The following HJURP variants were observed in gnomAD, a reference collection of about 807,000 sequenced individuals.
HJURP encodes the protein 14-3-3-associated AKT substrate.
Under a neutral mutation model 72.0 loss-of-function variants are expected in HJURP, and 49 were observed. That is an observed-to-expected ratio of 0.68 (90% CI 0.54 to 0.86). HJURP has a LOEUF of 0.86. Among genes scored for constraint, HJURP ranks in the 40% least tolerant of loss-of-function variants. The pLI, the probability that HJURP is intolerant of heterozygous loss-of-function variation, is 0.00. For synonymous variants in HJURP, 357 were observed against 347.1 expected, an observed-to-expected ratio of 1.03 and a Z score of -0.32; for missense variants, 908 against 936.3, an observed-to-expected ratio of 0.97 and a Z score of 0.39.
In HJURP at chr2:233,845,867, G is replaced by C; in HGVS notation, c.403-47C>G. 3 of 1,255,688 alleles carry C rather than the reference G, an allele frequency of 2.4e-6. No individual in the cohort carries two copies. The Admixed American group carries it at 5.5e-5, about 23-fold the overall frequency. The allele number at this position is 1,255,688 out of a possible 1,614,324, so 77.8% of individuals were successfully genotyped here. A position where few individuals can be genotyped will look rare whatever the true frequency, so the allele number is the denominator to read the frequency against. On this transcript the variant is annotated intron_variant, in intron 5 of 8. Coordinates refer to ENST00000411486, the MANE Select transcript of HJURP (RefSeq NM_018410.5). ...GAATTTTTAAGAGCTTCTGAGTATA[G>C]CTGACCTTTTGGCTTCTGGAACAAA...
At chr2:233,850,394 C>T (rs919232081) in intron 3 of HJURP, among the ~76,000 whole-genome samples, 2 of 152,172 alleles carry the variant, frequency 1.3e-5, no homozygotes, top group African/African-American at 2.4e-5. Flanking sequence ...GGTGGTCGGG[C>T]GGCCACACTC....
chr2:233,847,201 C>T (rs1025682247), intron 5 of HJURP, among the ~76,000 whole-genome samples, 196 bp downstream of exon 5: 3 of 152,168 alleles, frequency 2.0e-5, no homozygotes, highest in Non-Finnish European at 4.4e-5. Context: ...AGGTGCTAGA[C>T]TGAGAGGAGG....
At position 233,841,259 on chromosome 2, in the gene HJURP, T is replaced by C. The variant is rs899069593; in HGVS notation, c.1521A>G (p.Arg507=). Residue 507 remains arginine, a synonymous_variant, in exon 8 of 9, where the codon AGA becomes AGG. Transcript: ENST00000411486. ...GCAGGCACCTACCTGCTTCCAGAGA[T>C]CTTTTGCCTAGGTTTTCAAAAGCCT... The part of the protein sequence containing the change: ...LSEAFENLGK[R]SLEAGRCLPK... 2 of 1,613,964 alleles carry C rather than the reference T, an allele frequency of 1.2e-6. No homozygotes were observed. Among genetic ancestry groups the C allele is most frequent in the Admixed American group, 1.7e-5 (1 of 60,008 alleles).
chr2:233,837,317 T>A lies in HJURP; in HGVS notation c.*260A>T, dbSNP rs865971862. ...ACAAACAAACAAACAAACAAACAAA[T>A]AACCCCCCCCCAAAAAAAACACACA... On this transcript the variant is annotated 3_prime_UTR_variant, in exon 9 of 9. Transcript: ENST00000411486. The A allele has an allele frequency of 3.7e-6, 1 of 272,136 alleles. No homozygotes were observed. The highest frequency in any genetic ancestry group is 6.5e-6 in the Non-Finnish European group (1 of 154,182). The allele number at this position is 272,136 out of a possible 1,614,324, so 16.9% of individuals were successfully genotyped here.
chr2:233,842,167 G>C lies in HJURP; in HGVS notation c.613C>G (p.Pro205Ala). 1 of 1,613,652 alleles carries C rather than the reference G, an allele frequency of 6.2e-7. No individual in the cohort carries two copies. The highest frequency in any genetic ancestry group is 8.5e-7 in the Non-Finnish European group (1 of 1,179,732). ...SRISRKSPGD[P>A]AKPASSPREW... The stretch of plus-strand genomic sequence containing the variant: ...CTGGGAGATGAAGCTGGTTTCGCTG[G>C]GTCACCAGGACTCTTTCTGGAGATA... The change falls in exon 8 of 9, where the codon CCA becomes GCA. Residue 205 changes from proline to alanine, a missense_variant. Coordinates refer to ENST00000411486, the MANE Select transcript of HJURP (RefSeq NM_018410.5).
chr2:233,840,830 TAG>T lies in HJURP; in HGVS notation c.1948_1949del (p.Leu650ThrfsTer7). 6.2e-7 allele frequency: 1 copy of T among 1,613,884 alleles called. No homozygotes were observed. Among genetic ancestry groups the T allele is most frequent in the South Asian group, 1.1e-5 (1 of 91,058 alleles). On this transcript the variant is annotated frameshift_variant, in exon 8 of 9. Transcript: ENST00000411486. LOFTEE classifies it high-confidence loss of function. ...PSSPLGCRKS[L>X]LGSTAIEAPS... is the part of the protein sequence containing the mutation. ...GAGCCTCAATTGCAGTTGAGCCCAG[TAG>T]ACTTTTTCTGCACCCCAGGGGTGAT...
intron 8 of HJURP, among the ~76,000 whole-genome samples, chr2:233,839,723 T>A (rs113725269): frequency 1.3e-5 from 2 of 152,070 alleles, no homozygotes; most frequent in Admixed American, 1.3e-4. Flanking sequence ...GGGACACTTA[T>A]GGCAGGCAGG....
intron 4 of HJURP, 114 bp from the exon 5 acceptor site, chr2:233,847,575 C>T: frequency 1.1e-6 from 1 of 875,470 alleles, no homozygotes; most frequent in Non-Finnish European, 1.9e-6. Context: ...ATCCCCATTG[C>T]TTCAAGGGTG....
intron 2 of HJURP, among the ~76,000 whole-genome samples, chr2:233,853,505 C>T (rs1216212988): frequency 6.6e-6 from 1 of 152,190 alleles, no homozygotes; most frequent in Non-Finnish European, 1.5e-5. Context: ...ACAACACCCA[C>T]GCCCAGGAGA....
chr2:233,849,497 A>G (rs1197828178), intron 4 of HJURP, among the ~76,000 whole-genome samples: 1 of 152,114 alleles, frequency 6.6e-6, no homozygotes, highest in Non-Finnish European at 1.5e-5. Flanking sequence ...CTAAATCTGG[A>G]TATTAACTTT....
intron 7 of HJURP, among the ~76,000 whole-genome samples, chr2:233,843,348 G>A (rs1389498872): frequency 6.6e-6 from 1 of 152,090 alleles, no homozygotes; most frequent in Non-Finnish European, 1.5e-5. Flanking sequence ...GGGAAAAAGG[G>A]CCTGTCGCAA....
chr2:233,849,487 C>A (rs555602354), intron 4 of HJURP, among the ~76,000 whole-genome samples: 1 of 152,190 alleles, frequency 6.6e-6, no homozygotes, highest in South Asian at 2.1e-4. Context: ...TTAAGTCTTA[C>A]TAAATCTGGA....
rs749028441 is a variant in HJURP at position 233,849,839 on chromosome 2, C to T, written c.261G>A (p.Ala87=). The change falls in exon 4 of 9, where the codon GCG becomes GCA. Residue 87 remains alanine, a synonymous_variant. Transcript: ENST00000411486. The part of the protein sequence containing the change: ...GEIQDSSMKP[A]DRTDGSVQAA... ...CTTGCACGGAGCCATCTGTCCTGTC[C>T]GCGGGCTTCATGGAGGAGTCCTCCA... 142 of 1,552,332 alleles carry T rather than the reference C, an allele frequency of 9.1e-5. No homozygotes were observed. In the South Asian group the frequency reaches 1.0e-3, roughly 11 times the overall value.
In HJURP at chr2:233,840,700, G is replaced by C. The variant is rs779228822; in HGVS notation, c.2080C>G (p.Gln694Glu). 1 of 1,614,106 alleles carries C rather than the reference G, an allele frequency of 6.2e-7. No individual in the cohort carries two copies. The highest frequency in any genetic ancestry group is 1.1e-5 in the South Asian group (1 of 91,072). ...TCTGAGGCACCCAGGGAATTGCCCT[G>C]GCGTCCGGAGCCCTGGGGTTCTGAT... ...RLSEPQGSGR[Q>E]GNSLGASDGV... The change falls in exon 8 of 9, where the codon CAG (glutamine) becomes GAG (glutamate). Residue 694 changes from glutamine to glutamate, a missense_variant. By Grantham distance (29) the Gln-to-Glu change is conservative. This residue lies in a region of HJURP where 598 missense variants were observed against 619.5 expected (regional missense o/e 0.97). Transcript: ENST00000411486.
chr2:233,850,587 G>A (rs917434), intron 3 of HJURP, among the ~76,000 whole-genome samples: 61,109 of 152,162 alleles, frequency 0.4, 14,300 homozygotes, highest in Middle Eastern at 0.53. Flanking sequence ...AGAAGGTGGC[G>A]AGGCCTATAC....
At position 233,849,022 on chromosome 2, in the gene HJURP, A is replaced by G. The variant is rs1040133375; in HGVS notation, c.337+741T>C. 2.0e-5 allele frequency among the ~76,000 whole-genome samples: 3 copies of G among 152,298 alleles called. No homozygotes were observed. The South Asian group carries it at 6.2e-4, about 32-fold the overall frequency. On this transcript the variant is annotated intron_variant, in intron 4 of 8. Coordinates refer to ENST00000411486, the MANE Select transcript of HJURP (RefSeq NM_018410.5). ...AAAACCCAAAGAATAAAACCCAAAG[A>G]ATGCTAACAGGATTTAGCAATGGGG...
At chr2:233,844,170 A>G (rs570808428) in intron 7 of HJURP, 35 bp downstream of exon 7, 1 of 1,581,724 alleles carries the variant, frequency 6.3e-7, no homozygotes, top group Non-Finnish European at 8.7e-7. Context: ...TGAAGGAAAC[A>G]CGCACTGTTC....
At chr2:233,838,991 GCCCACACAGTGCC>G (rs1705151692) in intron 8 of HJURP, among the ~76,000 whole-genome samples, 1 of 152,208 alleles carries the variant, frequency 6.6e-6, no homozygotes, top group East Asian at 1.9e-4. Context: ...CGAGGGCCCT[GCCCACACAGTGCC>G]CCTGACCCTA....
intron 6 of HJURP, among the ~76,000 whole-genome samples, chr2:233,845,501 C>T (rs572716970): frequency 1.3e-5 from 2 of 152,262 alleles, no homozygotes; most frequent in South Asian, 4.1e-4. Context: ...GGCAGAGCAC[C>T]CCTGCCAGGG....
Sources: allele counts gnomAD v4.1 joint callset (sites outside exome capture counted in the v4.1 genomes callset), GRCh38; gene constraint gnomAD v4.1.1; regional missense constraint gnomAD v4.1.1; transcripts MANE v1.5; gene names NCBI Gene and HGNC (gene_info 2026-07-23, HGNC 2026-07-21).